The following ATF7 variants were observed in gnomAD, a reference collection of about 807,000 sequenced individuals.
ATF7 encodes activating transcription factor 7.
In ATF7, 10 loss-of-function variants were observed where a neutral mutation model predicts 50.4. That is an observed-to-expected ratio of 0.20 (90% confidence interval 0.12 to 0.34). ATF7 has a LOEUF of 0.34. ATF7 is among the 10% of genes least tolerant of loss of function. ATF7 has a pLI of 1.00. For missense variants in ATF7, 465 were observed against 613.9 expected (o/e 0.76, Z 2.56); for synonymous variants, 201 against 226.4 (o/e 0.89, Z 1.01).
At chr12:53,559,916 T>A (rs1025297439) in intron 2 of ATF7, among the ~76,000 whole-genome samples, 1 of 152,142 alleles carries the variant, frequency 6.6e-6, no homozygotes, top group African/African-American at 2.4e-5. Flanking sequence ...TTTACTTTTT[T>A]AAAATTTTAC....
intron 2 of ATF7, among the ~76,000 whole-genome samples, chr12:53,557,539 T>C (rs1370438764): frequency 6.6e-6 from 1 of 152,212 alleles, no homozygotes; most frequent in East Asian, 1.9e-4. Flanking sequence ...TCTTCCTTTG[T>C]TCTTTGGCAT....
intron 2 of ATF7, among the ~76,000 whole-genome samples, chr12:53,560,577 A>G (rs927068877): frequency 1.3e-5 from 2 of 152,188 alleles, no homozygotes; most frequent in Non-Finnish European, 2.9e-5. Context: ...TCCTAGCCAG[A>G]TACATTCCTG....
At chr12:53,528,087 C>T (rs565846056) in intron 9 of ATF7, among the ~76,000 whole-genome samples, 2 of 151,988 alleles carry the variant, frequency 1.3e-5, no homozygotes, top group South Asian at 2.1e-4. Context: ...GGGATCCACC[C>T]GCCTCAGCCT....
At chr12:53,604,818 A>C (rs907009196) in intron 1 of ATF7, among the ~76,000 whole-genome samples, 5 of 152,240 alleles carry the variant, frequency 3.3e-5, no homozygotes, top group Non-Finnish European at 7.3e-5. Flanking sequence ...TTCATTCATT[A>C]ATTCATTCAG....
rs1167657362 is a variant in ATF7 at position 53,549,450 on chromosome 12, C to T, written c.145+3091G>A. Among the ~76,000 whole-genome samples the T allele has an allele frequency of 2.6e-5, 4 of 151,484 alleles. No homozygotes were observed. The South Asian group carries it at 6.3e-4, about 24-fold the overall frequency. ...CAGAGTTTTGCTCTTATTGCCCAGG[C>T]TGGAGTGCAATGGCACAATCTTGGC... On this transcript the variant is annotated intron_variant, in intron 3 of 11. Coordinates refer to ENST00000420353, the MANE Select transcript of ATF7 (RefSeq NM_006856.3).
Position 53,534,674 on chromosome 12 carries a change from C to A in ATF7, c.403-15G>T. Reference sequence around the variant, plus strand: ...GGGGTAACCTCCTGGAGAAAAGAAACCAACAGATCACAAAATGTTTTAAGG... The same window carrying A: ...GGGGTAACCTCCTGGAGAAAAGAAAACAACAGATCACAAAATGTTTTAAGG... On this transcript the variant is annotated splice_polypyrimidine_tract_variant and intron_variant, in intron 5 of 11. Coordinates refer to ENST00000420353, the MANE Select transcript of ATF7 (RefSeq NM_006856.3). 1 of 1,606,928 alleles carries A rather than the reference C, an allele frequency of 6.2e-7. No homozygotes were observed. The highest frequency in any genetic ancestry group is 2.2e-5 in the East Asian group (1 of 44,792).
intron 9 of ATF7, among the ~76,000 whole-genome samples, chr12:53,530,740 TG>T (rs1310933958): frequency 1.3e-5 from 2 of 152,122 alleles, no homozygotes; most frequent in African/African-American, 4.8e-5. Flanking sequence ...CCTGAGTAGC[TG>T]GGATTACAGG....
At chr12:53,543,101 A>G in intron 4 of ATF7, 2 of 1,409,256 alleles carry the variant, frequency 1.4e-6, no homozygotes, top group Non-Finnish European at 1.8e-6. Flanking sequence ...CTGGAAGAAC[A>G]AGAGGACTAA....
intron 2 of ATF7, among the ~76,000 whole-genome samples, chr12:53,596,091 G>A (rs755027534): frequency 6.6e-6 from 1 of 152,132 alleles, no homozygotes; most frequent in Non-Finnish European, 1.5e-5. Context: ...CTCCAGTCAG[G>A]AGTTCGAGAC....
intron 2 of ATF7, among the ~76,000 whole-genome samples, chr12:53,589,284 A>G (rs1942849460): frequency 6.6e-6 from 1 of 152,210 alleles, no homozygotes; most frequent in Non-Finnish European, 1.5e-5. Context: ...ATTCTCCCTC[A>G]GAGGTTGCTA....
chr12:53,598,209 A>G (rs189035564), intron 2 of ATF7, among the ~76,000 whole-genome samples: 7 of 152,336 alleles, frequency 4.6e-5, no homozygotes, highest in Admixed American at 4.6e-4. Flanking sequence ...ATCCCAATCT[A>G]GAGTTATTTG....
At chr12:53,576,601 A>T (rs1018911705) in intron 2 of ATF7, among the ~76,000 whole-genome samples, 2 of 152,208 alleles carry the variant, frequency 1.3e-5, no homozygotes, top group Non-Finnish European at 2.9e-5. Context: ...CCATGTTGGA[A>T]GCAGAGAGCA....
chr12:53,574,590 T>G (rs926787964), intron 2 of ATF7: 2 of 154,190 alleles, frequency 1.3e-5, no homozygotes, highest in Non-Finnish European at 2.9e-5. Flanking sequence ...TCTCCTGGCT[T>G]ATATGCAGAA....
intron 1 of ATF7, 72 bp from the exon 2 acceptor site, chr12:53,601,093 A>C: frequency 8.8e-7 from 1 of 1,133,864 alleles, no homozygotes; most frequent in Non-Finnish European, 1.3e-6. Flanking sequence ...AAGTGCTTCA[A>C]AAATATCAAC....
intron 2 of ATF7, among the ~76,000 whole-genome samples, chr12:53,561,329 TAAAAAAAAAAA>T (rs57397230): frequency 7.4e-6 from 1 of 134,478 alleles, no homozygotes; most frequent in African/African-American, 2.8e-5. Context: ...ACTGTCTCTT[TAAAAAAAAAAA>T]AAAAAAAAGT....
chr12:53,516,568 TA>T lies in ATF7; in HGVS notation c.*568del, dbSNP rs1937713721. On this transcript the variant is annotated 3_prime_UTR_variant, in exon 12 of 12. Coordinates refer to ENST00000420353, the MANE Select transcript of ATF7 (RefSeq NM_006856.3). ...ATCAAAGGTAACCTTACATTCTCCG[TA>T]AGTGAATGTTTTAACTAGAATTAAG... 1 of 155,124 alleles carries T rather than the reference TA, an allele frequency of 6.4e-6. No homozygotes were observed. Among genetic ancestry groups the T allele is most frequent in the South Asian group, 2.0e-4 (1 of 5,010 alleles). 9.6% of individuals were successfully genotyped at this position (155,124 alleles called of 1,614,324 possible). A position where few individuals can be genotyped will look rare whatever the true frequency, so the allele number is the denominator to read the frequency against.
intron 9 of ATF7, among the ~76,000 whole-genome samples, chr12:53,529,251 G>A (rs934334104): frequency 3.3e-5 from 5 of 152,214 alleles, no homozygotes; most frequent in Admixed American, 3.3e-4. Flanking sequence ...CCAGGCTGGA[G>A]TGCAATGGTG....
At chr12:53,554,166 T>C (rs903459492) in intron 2 of ATF7, among the ~76,000 whole-genome samples, 3 of 152,190 alleles carry the variant, frequency 2.0e-5, no homozygotes, top group African/African-American at 7.2e-5. Context: ...AGTCTTGCTC[T>C]GTCGCCCAGG....
chr12:53,578,651 G>C (rs1279232009), intron 2 of ATF7, among the ~76,000 whole-genome samples: 1 of 151,918 alleles, frequency 6.6e-6, no homozygotes. Flanking sequence ...GGGCATGGTG[G>C]TGCTTATCTG....
Sources: gnomAD v4.1 joint callset for allele counts (sites outside exome capture counted in the v4.1 genomes callset) on GRCh38, gnomAD v4.1.1 for gene constraint, MANE v1.5 for transcripts, NCBI Gene and HGNC (gene_info 2026-07-23, HGNC 2026-07-21) for gene names.